KDM4C: variants seen among roughly 807,000 people sequenced by gnomAD.
KDM4C encodes the protein lysine-specific demethylase 4C.
A neutral mutation model predicts 129.3 loss-of-function variants in KDM4C; 81 were observed. The ratio of observed to expected loss-of-function variants is 0.63; its 90% CI spans 0.52 to 0.75. The LOEUF (loss-of-function observed/expected upper bound fraction) is 0.75, where lower values mean the gene tolerates loss of function less well. KDM4C is among the 30% of genes least tolerant of loss of function. KDM4C has a pLI of 0.00. For missense variants in KDM4C, 1,457 were observed against 1,304.0 expected (o/e 1.12, Z -1.81); for synonymous variants, 573 against 456.1 (o/e 1.26, Z -3.26).
chr9:7,160,780 G>T (rs1179984651), intron 19 of KDM4C, among the ~76,000 whole-genome samples: 3 of 152,304 alleles, frequency 2.0e-5, no homozygotes, highest in East Asian at 3.9e-4. Flanking sequence ...TAGGCTACAT[G>T]GGAGTCAGGG....
chr9:7,082,882 G>C (rs187482222), intron 17 of KDM4C, among the ~76,000 whole-genome samples: 2 of 152,154 alleles, frequency 1.3e-5, no homozygotes, highest in Non-Finnish European at 2.9e-5. Context: ...AGATTTAGGA[G>C]AAATGATAAA....
chr9:7,142,485 C>G (rs112966276), intron 19 of KDM4C, among the ~76,000 whole-genome samples: 2 of 152,142 alleles, frequency 1.3e-5, no homozygotes, highest in African/African-American at 4.8e-5. Flanking sequence ...AGTGTAGAGG[C>G]TGATGCATCT....
chr9:6,889,496 C>T (rs1194276068), intron 7 of KDM4C, among the ~76,000 whole-genome samples: 1 of 152,034 alleles, frequency 6.6e-6, no homozygotes, highest in African/African-American at 2.4e-5. Context: ...TATGGATGGG[C>T]TGCAGAACTG....
intron 1 of KDM4C, among the ~76,000 whole-genome samples, chr9:6,738,924 C>T (rs1006182006): frequency 4.0e-5 from 6 of 151,782 alleles, no homozygotes; most frequent in African/African-American, 1.2e-4. Flanking sequence ...GATGGGGTTT[C>T]CCCATGTTTG....
intron 8 of KDM4C, among the ~76,000 whole-genome samples, chr9:6,972,689 GGCAGCTA>G (rs1832202272): frequency 1.3e-5 from 2 of 152,180 alleles, no homozygotes; most frequent in Non-Finnish European, 2.9e-5. Flanking sequence ...TTTCATGTTA[GGCAGCTA>G]ATGGTAACAG....
chr9:6,969,480 T>C (rs779557409), intron 8 of KDM4C, among the ~76,000 whole-genome samples: 7 of 152,188 alleles, frequency 4.6e-5, no homozygotes, highest in African/African-American at 1.4e-4. Flanking sequence ...TTTGAACACA[T>C]GTAAAAATGG....
At chr9:6,835,414 C>T in intron 4 of KDM4C, 1 of 1,162,472 alleles carries the variant, frequency 8.6e-7, no homozygotes, top group South Asian at 1.2e-5. Flanking sequence ...CGCCCTGGCG[C>T]CCAGCACGAT....
intron 19 of KDM4C, among the ~76,000 whole-genome samples, chr9:7,134,346 C>G (rs1243105787): frequency 6.6e-6 from 1 of 152,130 alleles, no homozygotes; most frequent in East Asian, 1.9e-4. Context: ...TTAAATTTAT[C>G]TGACAAATTT....
chr9:6,866,993 G>A (rs868319106), intron 5 of KDM4C, among the ~76,000 whole-genome samples: 6 of 39,924 alleles, frequency 1.5e-4, no homozygotes, highest in Non-Finnish European at 2.2e-4. Flanking sequence ...GTGTGTGTGT[G>A]TGTGTGTATA....
At chr9:6,749,140 A>G (rs1043795305) in intron 1 of KDM4C, among the ~76,000 whole-genome samples, 1 of 152,126 alleles carries the variant, frequency 6.6e-6, no homozygotes, top group African/African-American at 2.4e-5. Flanking sequence ...CTGCCTCAGC[A>G]TCCCAAGTAG....
At chr9:7,152,749 C>A (rs1329144291) in intron 19 of KDM4C, among the ~76,000 whole-genome samples, 1 of 152,160 alleles carries the variant, frequency 6.6e-6, no homozygotes, top group African/African-American at 2.4e-5. Flanking sequence ...CCCCAAAATG[C>A]TGTGGAAGGA....
intron 8 of KDM4C, among the ~76,000 whole-genome samples, chr9:6,951,052 A>G (rs1486276431): frequency 1.3e-5 from 2 of 151,938 alleles, no homozygotes; most frequent in Non-Finnish European, 2.9e-5. Flanking sequence ...TTTTTTTTTA[A>G]CTTGACAATA....
chr9:7,163,432 G>A lies in KDM4C; in HGVS notation c.2782-1806G>A, dbSNP rs7046242. On this transcript the variant is annotated intron_variant, in intron 19 of 21. Transcript: ENST00000381309. The stretch of plus-strand genomic sequence containing the variant: ...CAGAATTCAAAAATAAAATTAAGTC[G>A]TAACTAATCCTCTTGTAAAAGGCTA... Among the ~76,000 whole-genome samples the A allele has an allele frequency of 3.9e-3, 600 of 152,144 alleles. 2 individuals carry two copies. Among genetic ancestry groups the A allele is most frequent in the African/African-American group, 0.013 (553 of 41,510 alleles).
chr9:7,061,806 A>C (rs568738035), intron 17 of KDM4C, among the ~76,000 whole-genome samples: 1 of 151,934 alleles, frequency 6.6e-6, no homozygotes, highest in Non-Finnish European at 1.5e-5. Context: ...GTGGCAGTGG[A>C]GTTGCCTAAT....
At chr9:6,944,492 G>C (rs1285995012) in intron 8 of KDM4C, among the ~76,000 whole-genome samples, 1 of 151,884 alleles carries the variant, frequency 6.6e-6, no homozygotes, top group Non-Finnish European at 1.5e-5. Context: ...CCTAAATTAG[G>C]GTATGATCAA....
chr9:6,797,021 C>G (rs1374247369), intron 2 of KDM4C, among the ~76,000 whole-genome samples: 1 of 150,424 alleles, frequency 6.6e-6, no homozygotes, highest in African/African-American at 2.5e-5. Context: ...CAGGGTCTTG[C>G]CCTGTTAGGC....
At chr9:6,724,508 C>G (rs1169717737) in intron 1 of KDM4C, among the ~76,000 whole-genome samples, 1 of 151,936 alleles carries the variant, frequency 6.6e-6, no homozygotes, top group Non-Finnish European at 1.5e-5. Context: ...AAGAAGTAAA[C>G]TGGACATATT....
chr9:6,980,557 A>T (rs376418263), intron 8 of KDM4C, among the ~76,000 whole-genome samples: 1 of 152,188 alleles, frequency 6.6e-6, no homozygotes, highest in East Asian at 1.9e-4. Context: ...ATTTGTTGAC[A>T]ACCCAGGTTT....
intron 2 of KDM4C, among the ~76,000 whole-genome samples, chr9:6,793,776 C>T (rs1424958554): frequency 6.6e-6 from 1 of 152,090 alleles, no homozygotes; most frequent in African/African-American, 2.4e-5. Context: ...CTCCTGACCT[C>T]AGGTGATCCA....
Sources: allele counts gnomAD v4.1 joint callset (sites outside exome capture counted in the v4.1 genomes callset), GRCh38; gene constraint gnomAD v4.1.1; transcripts MANE v1.5; gene names NCBI Gene and HGNC (gene_info 2026-07-23, HGNC 2026-07-21).